Variants in ADGB observed in about 807,000 individuals in gnomAD.
ADGB encodes calpain-7-like protein.
ADGB carries 172 observed loss-of-function variants against 210.5 expected under a neutral mutation model. The ratio of observed to expected loss-of-function variants is 0.82; its 90% CI spans 0.72 to 0.93. The LOEUF (loss-of-function observed/expected upper bound fraction) is 0.93. Among genes scored for constraint, ADGB ranks in the 40% least tolerant of loss-of-function variants. ADGB has a pLI of 0.00. For synonymous variants in ADGB, 658 were observed against 662.7 expected (o/e 0.99, Z 0.11); for missense variants, 2,025 against 1,964.8 (o/e 1.03, Z -0.58).
At chr6:146,803,456 T>C in intron 35 of ADGB, 6 of 1,606,616 alleles carry the variant, frequency 3.7e-6, no homozygotes, top group Non-Finnish European at 4.3e-6. Context: ...TGTTTTTTTC[T>C]GTAACAAAGA....
At chr6:146,654,479 G>A (rs1056061114) in intron 4 of ADGB, among the ~76,000 whole-genome samples, 1 of 151,906 alleles carries the variant, frequency 6.6e-6, no homozygotes, top group African/African-American at 2.4e-5. Context: ...TCAGATTCCT[G>A]GTAGCTGGGA....
chr6:146,737,275 T>C (rs1056696256), intron 23 of ADGB, among the ~76,000 whole-genome samples: 3 of 152,174 alleles, frequency 2.0e-5, no homozygotes, highest in Non-Finnish European at 4.4e-5. Flanking sequence ...TCAATGAACA[T>C]TTTAATAACC....
chr6:146,712,943 C>A (rs1776680506), intron 13 of ADGB, among the ~76,000 whole-genome samples: 1 of 151,802 alleles, frequency 6.6e-6, no homozygotes, highest in Non-Finnish European at 1.5e-5. Context: ...AACCACCATT[C>A]CACTTTCTGT....
At chr6:146,790,600 G>A (rs1328057240) in intron 33 of ADGB, among the ~76,000 whole-genome samples, 9 of 152,078 alleles carry the variant, frequency 5.9e-5, no homozygotes, top group African/African-American at 1.9e-4. Context: ...CTACTGATGC[G>A]TACTTTGGTC....
At chr6:146,685,072 T>C (rs924517329) in intron 9 of ADGB, among the ~76,000 whole-genome samples, 1 of 151,940 alleles carries the variant, frequency 6.6e-6, no homozygotes, top group African/African-American at 2.4e-5. Context: ...TAATTAAATA[T>C]AAAAAGAGGC....
intron 35 of ADGB, chr6:146,807,545 A>G: frequency 6.5e-7 from 1 of 1,547,248 alleles, no homozygotes; most frequent in Non-Finnish European, 8.7e-7. Flanking sequence ...AGATGACCCC[A>G]GCTCCTGACA....
At chr6:146,742,247 A>G (rs1453093139) in intron 25 of ADGB, among the ~76,000 whole-genome samples, 5 of 152,038 alleles carry the variant, frequency 3.3e-5, no homozygotes, top group Non-Finnish European at 4.4e-5. Flanking sequence ...TATATTATAT[A>G]CATATATAAT....
At position 146,599,060 on chromosome 6, in the gene ADGB, A is replaced by G. The variant is rs1285311169; in HGVS notation, c.20A>G (p.Lys7Arg). 12 of 1,551,580 alleles carry G rather than the reference A, an allele frequency of 7.7e-6. No homozygotes were observed. Among genetic ancestry groups the G allele is most frequent in the South Asian group, 5.9e-5 (5 of 84,072 alleles). Residue 7 changes from lysine (K) to arginine (R), a missense_variant, in exon 1 of 36, where the codon AAA (lysine) becomes AGA (arginine). By Grantham distance (26) the Lys-to-Arg change is conservative. Coordinates refer to ENST00000397944, the MANE Select transcript of ADGB (RefSeq NM_024694.4). ...TCTGCCATGGCCTCCAAACAAACCA[A>G]AAAGAAAGAGGTGCATCGTATCAAC... MASKQT[K>R]KKEVHRINSA...
chr6:146,800,138 C>CTT (rs5880687), intron 33 of ADGB, among the ~76,000 whole-genome samples: 4 of 150,850 alleles, frequency 2.7e-5, no homozygotes, highest in South Asian at 2.1e-4. Flanking sequence ...AAACTTTTTT[C>CTT]TTTTTTTTTA....
chr6:146,707,098 T>A (rs1175202395), intron 13 of ADGB, among the ~76,000 whole-genome samples: 5 of 152,150 alleles, frequency 3.3e-5, no homozygotes, highest in Admixed American at 6.5e-5. Context: ...CTTCTTAATA[T>A]CTCATTCAGA....
chr6:146,635,616 G>T, intron 2 of ADGB, 79 bp downstream of exon 2: 2 of 1,354,096 alleles, frequency 1.5e-6, no homozygotes, highest in Non-Finnish European at 1.9e-6. Context: ...ACATAAAAAG[G>T]TATTCATTCT....
chr6:146,784,546 A>C (rs1313773018), intron 30 of ADGB, 72 bp from the exon 31 acceptor site: 1 of 1,183,834 alleles, frequency 8.4e-7, no homozygotes, highest in East Asian at 2.7e-5. Context: ...GAAATTATGT[A>C]TCATATGGTA....
intron 3 of ADGB, 36 bp from the exon 4 acceptor site, chr6:146,654,099 C>A: frequency 8.0e-7 from 1 of 1,249,378 alleles, no homozygotes; most frequent in Non-Finnish European, 1.1e-6. Flanking sequence ...TATTATTTTT[C>A]TTATGGAGTA....
In ADGB at chr6:146,740,568, C is replaced by A; in HGVS notation, c.2998C>A (p.Pro1000Thr). The change falls in exon 24 of 36, where the codon CCA becomes ACA. Residue 1000 changes from proline (P) to threonine (T), a missense_variant. Physicochemically the swap from Pro to Thr is conservative, Grantham distance 38. Transcript: ENST00000397944. ...TACTGTGACTTATCAAGAACAGCCA[C>A]CAAATTCTTGGTTTATAGTATTCAG... is the stretch of plus-strand genomic sequence containing the variant. ...DYTVTYQEQPPNSWFIVFRET... is the reference protein window; with the variant it reads ...DYTVTYQEQPTNSWFIVFRET... 1 of 1,550,716 alleles carries A rather than the reference C, an allele frequency of 6.4e-7. No individual in the cohort carries two copies. The highest frequency in any genetic ancestry group is 8.7e-7 in the Non-Finnish European group (1 of 1,146,528).
rs193013859 is a variant in ADGB at position 146,738,008 on chromosome 6, C to T, written c.2888+1417C>T. Reference sequence around the variant, plus strand: ...AAATGCCAGTGGCATCCAAAGCTACCTTATCCTAGCAGGCATTAATTTTAT... The same window carrying T: ...AAATGCCAGTGGCATCCAAAGCTACTTTATCCTAGCAGGCATTAATTTTAT... On this transcript the variant is annotated intron_variant, in intron 23 of 35. Transcript: ENST00000397944. 5.3e-5 allele frequency among the ~76,000 whole-genome samples: 8 copies of T among 152,306 alleles called. No individual in the cohort carries two copies. The South Asian group carries it at 1.2e-3, about 24-fold the overall frequency.
intron 33 of ADGB, among the ~76,000 whole-genome samples, chr6:146,800,620 G>T (rs111258253): frequency 6.6e-6 from 1 of 152,022 alleles, no homozygotes; most frequent in Admixed American, 6.6e-5. Flanking sequence ...TTGTGGGCTC[G>T]ATACTGTTCT....
At position 146,773,879 on chromosome 6, in the gene ADGB, A is replaced by T. The variant is rs575826691; in HGVS notation, c.3862+4748A>T. On this transcript the variant is annotated intron_variant, in intron 29 of 35. Transcript: ENST00000397944. The stretch of plus-strand genomic sequence containing the variant: ...GGGCTTTACATATATTGACCCAATT[A>T]ATCTTCCCAATAAACTTATGAGGTA... Among the ~76,000 whole-genome samples the T allele has an allele frequency of 9.2e-5, 14 of 152,250 alleles. 1 individual carries two copies. In the East Asian group the frequency reaches 2.7e-3, roughly 29 times the overall value.
chr6:146,662,348 C>T (rs1305395752), intron 5 of ADGB, among the ~76,000 whole-genome samples: 4 of 152,018 alleles, frequency 2.6e-5, no homozygotes, highest in South Asian at 2.1e-4. Context: ...TCCTGTTATT[C>T]GTAATTTCTA....
chr6:146,700,865 A>G, intron 12 of ADGB, 76 bp from the exon 13 acceptor site: 1 of 1,468,442 alleles, frequency 6.8e-7, no homozygotes, highest in Non-Finnish European at 9.1e-7. Flanking sequence ...ATTGTTGACA[A>G]AAATGCAGTT....
Sources: gnomAD v4.1 joint callset for allele counts (sites outside exome capture counted in the v4.1 genomes callset) on GRCh38, gnomAD v4.1.1 for gene constraint, MANE v1.5 for transcripts, NCBI Gene and HGNC (gene_info 2026-07-23, HGNC 2026-07-21) for gene names.